Variants in ERBB4 observed in about 807,000 individuals in gnomAD.
The protein encoded by ERBB4 is erb-b2 receptor tyrosine kinase 4.
ERBB4 carries 42 observed loss-of-function variants against 158.0 expected under a neutral mutation model. The ratio of observed to expected loss-of-function variants is 0.27; its 90% CI spans 0.21 to 0.34. The LOEUF (loss-of-function observed/expected upper bound fraction) is 0.34. ERBB4 is among the 10% of genes least tolerant of loss of function. The pLI is 1.00. For missense variants in ERBB4, 1,333 were observed against 1,624.1 expected (o/e 0.82, Z 3.08); for synonymous variants, 583 against 558.7 (o/e 1.04, Z -0.61).
At chr2:212,503,652 A>G (rs1691024614) in intron 1 of ERBB4, among the ~76,000 whole-genome samples, 1 of 152,236 alleles carries the variant, frequency 6.6e-6, no homozygotes, top group African/African-American at 2.4e-5. Flanking sequence ...GGAGCATATC[A>G]TCTTGAAGTT....
intron 19 of ERBB4, among the ~76,000 whole-genome samples, chr2:211,567,237 C>A (rs972737396): frequency 6.6e-6 from 1 of 152,054 alleles, no homozygotes; most frequent in Non-Finnish European, 1.5e-5. Flanking sequence ...TGTACTGTTA[C>A]GACAGTAGAA....
rs987733760 is a variant in ERBB4 at position 211,658,115 on chromosome 2, G to A, written c.1872-287C>T. The A allele has an allele frequency of 1.2e-5, 8 of 675,612 alleles. No homozygotes were observed. The African/African-American group carries it at 1.4e-4, about 12-fold the overall frequency. 41.9% of individuals were successfully genotyped at this position (675,612 alleles called of 1,614,324 possible). On this transcript the variant is annotated intron_variant, in intron 15 of 27. Coordinates refer to ENST00000342788, the MANE Select transcript of ERBB4 (RefSeq NM_005235.3). ...CTATTAGACTATTTTGGAACACAAT[G>A]AATTTCAAGCCAGGAAGATTTTTGC...
In ERBB4 at chr2:211,928,775, T is replaced by C. The variant is rs542702196; in HGVS notation, c.421+18655A>G. Among the ~76,000 whole-genome samples, 5 of 152,210 alleles carry C rather than the reference T, an allele frequency of 3.3e-5. No homozygotes were observed. The South Asian group carries it at 1.0e-3, about 32-fold the overall frequency. On this transcript the variant is annotated intron_variant, in intron 3 of 27. Transcript: ENST00000342788. ...ATTACTTGAGTCACTTATAGAAAGT[T>C]GAAGTGTTCTTGTCAGGTTTAAAAT...
chr2:211,991,087 A>C (rs913312754), intron 2 of ERBB4, among the ~76,000 whole-genome samples: 9 of 152,010 alleles, frequency 5.9e-5, no homozygotes, highest in Non-Finnish European at 1.0e-4. Context: ...AATTCTAGTG[A>C]TGTCTATAGC....
At chr2:212,220,899 T>C (rs2083269856) in intron 1 of ERBB4, among the ~76,000 whole-genome samples, 1 of 151,566 alleles carries the variant, frequency 6.6e-6, no homozygotes, top group Non-Finnish European at 1.5e-5. Flanking sequence ...ATGATCATAT[T>C]TATTTTTGCT....
chr2:211,757,167 G>C (rs1001679026), intron 4 of ERBB4, among the ~76,000 whole-genome samples: 5 of 151,968 alleles, frequency 3.3e-5, no homozygotes, highest in Non-Finnish European at 7.4e-5. Context: ...CTGTTTATTT[G>C]TATTCACTCT....
chr2:212,213,793 T>C (rs1160161256), intron 1 of ERBB4, among the ~76,000 whole-genome samples: 1 of 151,838 alleles, frequency 6.6e-6, no homozygotes, highest in African/African-American at 2.4e-5. Context: ...CTTACCAAGG[T>C]CTATAGGCTA....
chr2:212,229,584 T>C (rs2083594837), intron 1 of ERBB4, among the ~76,000 whole-genome samples: 1 of 151,862 alleles, frequency 6.6e-6, no homozygotes, highest in African/African-American at 2.4e-5. Context: ...GAAGAAGGGG[T>C]GTGTCATAGT....
At chr2:211,600,833 G>A (rs550784969) in intron 19 of ERBB4, among the ~76,000 whole-genome samples, 1 of 152,084 alleles carries the variant, frequency 6.6e-6, no homozygotes, top group South Asian at 2.1e-4. Context: ...AAAAATGCTG[G>A]CAGCCAGATA....
At chr2:211,861,080 A>ATATTTT (rs2078016374) in intron 3 of ERBB4, among the ~76,000 whole-genome samples, 4 of 52,944 alleles carry the variant, frequency 7.6e-5, no homozygotes, top group African/African-American at 3.2e-4. Flanking sequence ...ATATTTATAT[A>ATATTTT]TTATAAAATA....
At chr2:212,401,127 C>T (rs2091191518) in intron 1 of ERBB4, among the ~76,000 whole-genome samples, 1 of 152,078 alleles carries the variant, frequency 6.6e-6, no homozygotes, top group Non-Finnish European at 1.5e-5. Flanking sequence ...TACCCAATGT[C>T]TGTGTATTCA....
At chr2:211,395,900 ACTTTT>A (rs2062905706) in intron 25 of ERBB4, among the ~76,000 whole-genome samples, 1 of 152,054 alleles carries the variant, frequency 6.6e-6, no homozygotes, top group Non-Finnish European at 1.5e-5. Flanking sequence ...TACTTGATAT[ACTTTT>A]ACCTTCACAG....
At chr2:212,470,690 T>G (rs1017506927) in intron 1 of ERBB4, among the ~76,000 whole-genome samples, 1 of 152,102 alleles carries the variant, frequency 6.6e-6, no homozygotes, top group Non-Finnish European at 1.5e-5. Flanking sequence ...GTTTCAGTTA[T>G]TTCTGAGGTC....
chr2:212,372,374 T>A (rs2090117993), intron 1 of ERBB4, among the ~76,000 whole-genome samples: 1 of 152,142 alleles, frequency 6.6e-6, no homozygotes, highest in Non-Finnish European at 1.5e-5. Context: ...GGACCTCTAT[T>A]GGCCTAAGAC....
At chr2:212,312,900 G>T (rs1451780412) in intron 1 of ERBB4, among the ~76,000 whole-genome samples, 1 of 150,692 alleles carries the variant, frequency 6.6e-6, no homozygotes. Flanking sequence ...AGAAAAATCA[G>T]TATATTTTTA....
intron 12 of ERBB4, among the ~76,000 whole-genome samples, chr2:211,698,693 G>T (rs2073118102): frequency 6.6e-6 from 1 of 151,984 alleles, no homozygotes; most frequent in South Asian, 2.1e-4. Flanking sequence ...TTTAAGATGA[G>T]ATATATAAGT....
At chr2:211,566,960 T>C (rs1311076576) in intron 19 of ERBB4, among the ~76,000 whole-genome samples, 2 of 152,210 alleles carry the variant, frequency 1.3e-5, no homozygotes, top group Non-Finnish European at 2.9e-5. Context: ...GCAAGTACCC[T>C]TGTTAAAGGA....
At chr2:211,507,681 T>A (rs944027884) in intron 20 of ERBB4, among the ~76,000 whole-genome samples, 3 of 151,796 alleles carry the variant, frequency 2.0e-5, no homozygotes, top group Non-Finnish European at 4.4e-5. Context: ...TGCTGGGCAA[T>A]CCTAAGCAAA....
chr2:212,125,592 C>T (rs2079899036), intron 1 of ERBB4, among the ~76,000 whole-genome samples: 1 of 152,036 alleles, frequency 6.6e-6, no homozygotes, highest in Non-Finnish European at 1.5e-5. Flanking sequence ...TCCAATAGGC[C>T]CCAGGGTATG....
Sources: gnomAD v4.1 joint callset for allele counts (sites outside exome capture counted in the v4.1 genomes callset) on GRCh38, gnomAD v4.1.1 for gene constraint, MANE v1.5 for transcripts, NCBI Gene and HGNC (gene_info 2026-07-23, HGNC 2026-07-21) for gene names.